Variants in TRPM8 observed in about 807,000 individuals in gnomAD.
The protein encoded by TRPM8 is TRPM8 cationic channel.
Under a neutral mutation model 133.7 loss-of-function variants are expected in TRPM8, and 110 were observed. The ratio of observed to expected loss-of-function variants is 0.82; its 90% CI spans 0.70 to 0.96. The LOEUF is 0.96. Among genes scored for constraint, TRPM8 ranks in the 40% least tolerant of loss-of-function variants. The pLI, the probability that TRPM8 is intolerant of heterozygous loss-of-function variation, is 0.00. For synonymous variants in TRPM8, 535 were observed against 532.3 expected, an observed-to-expected ratio of 1.01 and a Z score of -0.07; for missense variants, 1,291 against 1,379.5, an observed-to-expected ratio of 0.94 and a Z score of 1.02.
intron 21 of TRPM8, among the ~76,000 whole-genome samples, chr2:233,994,819 A>C (rs889608618): frequency 6.6e-6 from 1 of 152,204 alleles, no homozygotes; most frequent in African/African-American, 2.4e-5. Flanking sequence ...TGGATAATTT[A>C]ATGCTTCCCC....
chr2:233,997,401 G>A (rs1285006698), intron 22 of TRPM8, among the ~76,000 whole-genome samples: 3 of 152,168 alleles, frequency 2.0e-5, no homozygotes, highest in Admixed American at 6.5e-5. Flanking sequence ...AGGGAGGGTC[G>A]GCAGTGGGCT....
chr2:233,975,560 G>C (rs1691848852), intron 17 of TRPM8, among the ~76,000 whole-genome samples: 1 of 152,238 alleles, frequency 6.6e-6, no homozygotes, highest in Non-Finnish European at 1.5e-5. Context: ...TGCAAGTCCA[G>C]ACGTTGTTTG....
chr2:233,930,010 GTC>G (rs1234500534), intron 2 of TRPM8, among the ~76,000 whole-genome samples: 1 of 152,106 alleles, frequency 6.6e-6, no homozygotes, highest in Non-Finnish European at 1.5e-5. Flanking sequence ...CGGATTGTCT[GTC>G]TCATTCTTAC....
At chr2:234,005,176 C>T (rs1274318776) in intron 22 of TRPM8, among the ~76,000 whole-genome samples, 2 of 152,062 alleles carry the variant, frequency 1.3e-5, no homozygotes, top group Admixed American at 6.5e-5. Flanking sequence ...CCCCCCTCCT[C>T]CACCTTCTGG....
At chr2:233,955,585 A>G (rs1456403395) in intron 11 of TRPM8, 1 of 191,164 alleles carries the variant, frequency 5.2e-6, no homozygotes, top group Non-Finnish European at 1.1e-5. Flanking sequence ...GTATGGGAAA[A>G]ATATATGCTA....
chr2:233,977,666 C>T (rs540628450), intron 17 of TRPM8, among the ~76,000 whole-genome samples: 3 of 152,136 alleles, frequency 2.0e-5, no homozygotes, highest in East Asian at 1.9e-4. Flanking sequence ...TGGCCTCCCC[C>T]GAGGAGCCTG....
chr2:233,960,837 G>T lies in TRPM8; in HGVS notation c.1424G>T (p.Arg475Leu). The T allele has an allele frequency of 1.2e-6, 2 of 1,614,074 alleles. No individual in the cohort carries two copies. Among genetic ancestry groups the T allele is most frequent in the Non-Finnish European group, 1.7e-6 (2 of 1,179,976 alleles). The change falls in exon 12 of 26, where the codon CGC (arginine) becomes CTC (leucine). Residue 475 changes from arginine (R) to leucine (L), a missense_variant. This residue lies in a region of TRPM8 where 963 missense variants were observed against 968.9 expected (regional missense o/e 0.99). Transcript: ENST00000324695. ...ALIKDRPKFV[R>L]LFLENGLNLR... ...ATAAAGGACAGACCCAAGTTTGTCC[G>T]CCTCTTTCTGGAGAATGGCTTGAAC... is the stretch of plus-strand genomic sequence containing the variant.
chr2:233,943,062 A>G, intron 6 of TRPM8: 1 of 352,994 alleles, frequency 2.8e-6, no homozygotes, highest in Non-Finnish European at 4.9e-6. Flanking sequence ...AGCCAACTGC[A>G]GTATCTTTTT....
chr2:233,969,745 C>T lies in TRPM8; in HGVS notation c.2076C>T (p.Asn692=). Residue 692 remains asparagine, a synonymous_variant, in exon 16 of 26, where the codon AAC becomes AAT. Transcript: ENST00000324695. Reference sequence around the variant, plus strand: ...GAGAGATTTCCCGAGACACCAAGAACTGGAAGATTATCCTGTGTCTGTTTA... The same window carrying T: ...GAGAGATTTCCCGAGACACCAAGAATTGGAAGATTATCCTGTGTCTGTTTA... The part of the protein sequence containing the change: ...WYGEISRDTK[N]WKIILCLFII... 1 of 1,614,000 alleles carries T rather than the reference C, an allele frequency of 6.2e-7. No homozygotes were observed. Among genetic ancestry groups the T allele is most frequent in the Non-Finnish European group, 8.5e-7 (1 of 1,179,894 alleles).
intron 22 of TRPM8, among the ~76,000 whole-genome samples, chr2:234,006,147 G>T (rs879837509): frequency 1.3e-5 from 2 of 152,160 alleles, no homozygotes; most frequent in Admixed American, 1.3e-4. Context: ...ACACCTGTGT[G>T]AGCATATGTG....
chr2:233,966,955 C>T (rs1489256476), intron 15 of TRPM8, among the ~76,000 whole-genome samples, 200 bp downstream of exon 15: 1 of 152,142 alleles, frequency 6.6e-6, no homozygotes, highest in African/African-American at 2.4e-5. Context: ...TGGTGCAGGA[C>T]AAAGAATATT....
chr2:233,922,504 T>A (rs963252068), intron 1 of TRPM8, among the ~76,000 whole-genome samples: 1 of 152,160 alleles, frequency 6.6e-6, no homozygotes, highest in African/African-American at 2.4e-5. Flanking sequence ...CTTCAACTCT[T>A]TCTGCATTGA....
intron 17 of TRPM8, among the ~76,000 whole-genome samples, chr2:233,975,939 A>C (rs1462592267): frequency 2.0e-5 from 3 of 152,116 alleles, no homozygotes; most frequent in Non-Finnish European, 4.4e-5. Context: ...CACACACACA[A>C]AAACCCAGGA....
intron 22 of TRPM8, among the ~76,000 whole-genome samples, chr2:234,000,086 G>GATTT (rs3078202): frequency 0.48 from 68,563 of 143,920 alleles, 16,629 homozygotes; most frequent in East Asian, 0.54. Flanking sequence ...CAATGTGGAT[G>GATTT]ATTTATTTAT....
chr2:233,996,876 T>G (rs1436582643), intron 22 of TRPM8, among the ~76,000 whole-genome samples: 1 of 152,248 alleles, frequency 6.6e-6, no homozygotes, highest in Non-Finnish European at 1.5e-5. Flanking sequence ...CTAGGAACCT[T>G]TAAATCTGAC....
At chr2:233,918,987 G>A (rs952605295) in intron 1 of TRPM8, among the ~76,000 whole-genome samples, 2 of 152,014 alleles carry the variant, frequency 1.3e-5, no homozygotes, top group Non-Finnish European at 2.9e-5. Flanking sequence ...GTATGAACAA[G>A]TTTTTCCTCT....
intron 22 of TRPM8, among the ~76,000 whole-genome samples, chr2:233,997,437 C>T (rs1422280069): frequency 2.6e-5 from 4 of 152,156 alleles, no homozygotes; most frequent in African/African-American, 4.8e-5. Context: ...TCCCATTCAC[C>T]AGCTGTGGGG....
intron 21 of TRPM8, among the ~76,000 whole-genome samples, chr2:233,990,856 G>A (rs2125324755): frequency 6.6e-6 from 1 of 152,232 alleles, no homozygotes; most frequent in South Asian, 2.1e-4. Context: ...AGGAGTGGGA[G>A]GCAGAGAAAG....
At chr2:233,921,554 T>C (rs772895486) in intron 1 of TRPM8, among the ~76,000 whole-genome samples, 10 of 152,176 alleles carry the variant, frequency 6.6e-5, no homozygotes, top group Non-Finnish European at 1.3e-4. Context: ...TGGTGATCAC[T>C]GCACCTGGGA....
Sources: gnomAD v4.1 joint callset for allele counts (sites outside exome capture counted in the v4.1 genomes callset) on GRCh38, gnomAD v4.1.1 for gene constraint, gnomAD v4.1.1 regional missense constraint, MANE v1.5 for transcripts, NCBI Gene and HGNC (gene_info 2026-07-23, HGNC 2026-07-21) for gene names.